FAM124A: variants seen among roughly 807,000 people sequenced by gnomAD.
FAM124A encodes the protein protein FAM124A.
FAM124A carries 23 observed loss-of-function variants against 24.5 expected under a neutral mutation model. The observed-to-expected ratio is 0.94, with a 90% CI of 0.68 to 1.33. FAM124A has a LOEUF of 1.33. Among genes scored for constraint, FAM124A ranks in the 40% most tolerant of loss-of-function variants. The pLI is 0.00. For synonymous variants in FAM124A, 287 were observed against 314.7 expected, an observed-to-expected ratio of 0.91 and a Z score of 0.93; for missense variants, 623 against 722.8, an observed-to-expected ratio of 0.86 and a Z score of 1.58.
intron 2 of FAM124A, among the ~76,000 whole-genome samples, chr13:51,232,816 G>T (rs1356199532): frequency 3.9e-5 from 6 of 152,180 alleles, no homozygotes; most frequent in Non-Finnish European, 5.9e-5. Flanking sequence ...ATACTTGTGT[G>T]AAGCCTTAGT....
chr13:51,272,835 G>A lies in FAM124A; in HGVS notation c.835-7615G>A, dbSNP rs551618354. On this transcript the variant is annotated intron_variant, in intron 3 of 3. Coordinates refer to ENST00000322475, the MANE Select transcript of FAM124A (RefSeq NM_001242312.2). The surrounding 1 kb of genome is among the most constrained non-coding windows in gnomAD (Gnocchi z 4.2). ...AGGTTCCTAACACCTGCCCAGGCAG[G>A]AGGCTGAGGGAGTCCCCTCTCGGGA... Among the ~76,000 whole-genome samples, 8 of 152,236 alleles carry A rather than the reference G, an allele frequency of 5.3e-5. No homozygotes were observed. Among genetic ancestry groups the A allele is most frequent in the Non-Finnish European group, 1.0e-4 (7 of 68,044 alleles).
chr13:51,269,277 T>C (rs1202049611), intron 3 of FAM124A, among the ~76,000 whole-genome samples: 3 of 152,244 alleles, frequency 2.0e-5, no homozygotes, highest in Non-Finnish European at 2.9e-5. Context: ...AAATACATGA[T>C]ATTAACATTT....
At chr13:51,269,969 C>T (rs1458105168) in intron 3 of FAM124A, among the ~76,000 whole-genome samples, 1 of 152,196 alleles carries the variant, frequency 6.6e-6, no homozygotes, top group East Asian at 1.9e-4. Context: ...CAGGACTCAA[C>T]TACTATCCTG....
At chr13:51,224,813 T>C (rs1458309812) in intron 1 of FAM124A, among the ~76,000 whole-genome samples, 1 of 152,262 alleles carries the variant, frequency 6.6e-6, no homozygotes, top group Non-Finnish European at 1.5e-5. Context: ...GTGGCCTATA[T>C]GCCCTGACTC....
chr13:51,257,243 T>G (rs2137686508), intron 3 of FAM124A, among the ~76,000 whole-genome samples: 1 of 152,324 alleles, frequency 6.6e-6, no homozygotes, highest in African/African-American at 2.4e-5. Context: ...TGTAATTTTT[T>G]GAGGAAAGGA....
At chr13:51,254,653 A>G (rs1053453149) in intron 3 of FAM124A, among the ~76,000 whole-genome samples, 1 of 152,176 alleles carries the variant, frequency 6.6e-6, no homozygotes, top group Non-Finnish European at 1.5e-5. Context: ...GTCAGCAAAC[A>G]TGTTCCCAGT....
In FAM124A at chr13:51,246,273, A is replaced by C. The variant is rs865951758; in HGVS notation, c.101-5195A>C. Among the ~76,000 whole-genome samples, 3 of 152,168 alleles carry C rather than the reference A, an allele frequency of 2.0e-5. No homozygotes were observed. The South Asian group carries it at 6.2e-4, about 32-fold the overall frequency. Reference sequence around the variant, plus strand: ...ATGATAAAGGCAGAGCACATCCCACAGTCATGTCGTCTGTGTTTCTCCAGG... The same window carrying C: ...ATGATAAAGGCAGAGCACATCCCACCGTCATGTCGTCTGTGTTTCTCCAGG... On this transcript the variant is annotated intron_variant, in intron 2 of 3. Transcript: ENST00000322475.
chr13:51,255,037 C>A (rs1954661266), intron 3 of FAM124A, among the ~76,000 whole-genome samples: 1 of 152,018 alleles, frequency 6.6e-6, no homozygotes, highest in Admixed American at 6.6e-5. Flanking sequence ...ATCTTAATTA[C>A]TCTATATTAC....
rs115044696 is a variant in FAM124A at position 51,265,414 on chromosome 13, T to C, written c.834+13213T>C. 1.4e-3 allele frequency among the ~76,000 whole-genome samples: 214 copies of C among 152,138 alleles called. 2 individuals are homozygous for C. The highest frequency in any genetic ancestry group is 4.9e-3 in the African/African-American group (203 of 41,488). On this transcript the variant is annotated intron_variant, in intron 3 of 3. Coordinates refer to ENST00000322475, the MANE Select transcript of FAM124A (RefSeq NM_001242312.2). ...TGAGCAGCTGCAGGCCTGGGAGCAC[T>C]GAGCCAGCTGACTGGGGACAGCCCT... is the stretch of plus-strand genomic sequence containing the variant.
rs368289666 is a variant in FAM124A, at chr13:51,238,646, T to G, written c.100+7267T>G. ...GTTTGGGGTTTGTCTGAGAAGCAGG[T>G]AGCAGCCTTACCTGTTGGACCATGG... On this transcript the variant is annotated intron_variant, in intron 2 of 3. Transcript: ENST00000322475. 3.3e-5 allele frequency among the ~76,000 whole-genome samples: 5 copies of G among 152,314 alleles called. No homozygotes were observed. The South Asian group carries it at 1.0e-3, about 32-fold the overall frequency.
chr13:51,246,408 G>GGT (rs1555273689), intron 2 of FAM124A, among the ~76,000 whole-genome samples: 1 of 143,672 alleles, frequency 7.0e-6, no homozygotes, highest in Non-Finnish European at 1.6e-5. Flanking sequence ...GTGGGGTGGG[G>GGT]GGGGGTGTAA....
chr13:51,246,412 G>C lies in FAM124A; in HGVS notation c.101-5056G>C, dbSNP rs369992558. Among the ~76,000 whole-genome samples the C allele has an allele frequency of 4.4e-3, 595 of 135,182 alleles. 30 individuals carry two copies. Among genetic ancestry groups the C allele is most frequent in the African/African-American group, 0.015 (569 of 39,168 alleles). 88.7% of individuals were successfully genotyped at this position (135,182 alleles called of 152,430 possible). On this transcript the variant is annotated intron_variant, in intron 2 of 3. Transcript: ENST00000322475. ...GCATGTTTCTCGTGGGGTGGGGGGG[G>C]GTGTAACTCTAACACCTGATGACAG...
intron 3 of FAM124A, among the ~76,000 whole-genome samples, chr13:51,271,794 T>TG (rs772574035): frequency 6.6e-6 from 1 of 152,112 alleles, no homozygotes; most frequent in Non-Finnish European, 1.5e-5. Context: ...AATGACGGTG[T>TG]GGGTGGCCAG....
intron 1 of FAM124A, 28 bp downstream of exon 1, chr13:51,222,597 C>CG (rs1254216181): frequency 3.1e-5 from 38 of 1,218,784 alleles, no homozygotes; most frequent in African/African-American, 6.3e-5. Flanking sequence ...GGGCCGCGGG[C>CG]GGGGGGCGCT....
At chr13:51,274,971 G>A (rs1453954745) in intron 3 of FAM124A, among the ~76,000 whole-genome samples, 4 of 152,154 alleles carry the variant, frequency 2.6e-5, no homozygotes, top group South Asian at 2.1e-4. Context: ...CTAAAGAATC[G>A]TGGCTTAATC....
intron 3 of FAM124A, among the ~76,000 whole-genome samples, chr13:51,261,707 C>G (rs1593605058): frequency 6.6e-6 from 1 of 152,270 alleles, no homozygotes; most frequent in East Asian, 1.9e-4. Flanking sequence ...GTTCCGTTTC[C>G]TAAGGGAGGT....
intron 1 of FAM124A, among the ~76,000 whole-genome samples, chr13:51,228,731 T>G (rs935665462): frequency 6.6e-6 from 1 of 152,240 alleles, no homozygotes; most frequent in African/African-American, 2.4e-5. Context: ...CTTTGTAGTT[T>G]GTCTTTCCTA....
At chr13:51,279,424 AT>A (rs1411073555) in intron 3 of FAM124A, among the ~76,000 whole-genome samples, 1 of 152,058 alleles carries the variant, frequency 6.6e-6, no homozygotes, top group African/African-American at 2.4e-5. Flanking sequence ...TATTGCAGGG[AT>A]TTGTAAATCA....
chr13:51,273,261 A>G (rs779227293), intron 3 of FAM124A, among the ~76,000 whole-genome samples: 6 of 152,136 alleles, frequency 3.9e-5, no homozygotes, highest in Admixed American at 6.6e-5. Context: ...GGAGGTAGCC[A>G]GGGTGCTATT....
Sources: gnomAD v4.1 joint callset for allele counts (sites outside exome capture counted in the v4.1 genomes callset) on GRCh38, gnomAD v4.1.1 for gene constraint, Gnocchi (gnomAD v3.1) non-coding constraint, MANE v1.5 for transcripts, NCBI Gene and HGNC (gene_info 2026-07-23, HGNC 2026-07-21) for gene names.